Variants in SIL1 observed in about 807,000 individuals in gnomAD.
SIL1 encodes nucleotide exchange factor SIL1.
SIL1 carries 40 observed loss-of-function variants against 49.1 expected under a neutral mutation model. The observed-to-expected ratio is 0.81, with a 90% CI of 0.63 to 1.06. SIL1 has a LOEUF of 1.06. Among genes scored for constraint, SIL1 ranks in the 50% least tolerant of loss-of-function variants. The probability of loss-of-function intolerance (pLI) is 0.00; values close to 1 mark genes in which losing one functional copy is unlikely to be tolerated. For missense variants in SIL1, 500 were observed against 572.6 expected, an observed-to-expected ratio of 0.87 and a Z score of 1.29; for synonymous variants, 253 against 250.8, an observed-to-expected ratio of 1.01 and a Z score of -0.08.
chr5:139,122,116 G>A (rs770288951), intron 2 of SIL1, among the ~76,000 whole-genome samples: 3 of 152,054 alleles, frequency 2.0e-5, no homozygotes, highest in Non-Finnish European at 2.9e-5. Flanking sequence ...CCCTGTCATC[G>A]CTTTTTCTCT....
At chr5:139,020,507 C>A (rs1365519601) in intron 7 of SIL1, among the ~76,000 whole-genome samples, 1 of 152,180 alleles carries the variant, frequency 6.6e-6, no homozygotes, top group Non-Finnish European at 1.5e-5. Flanking sequence ...GTCCTAAGAG[C>A]AGATTTTCAA....
At chr5:139,065,928 C>A (rs999400095) in intron 3 of SIL1, among the ~76,000 whole-genome samples, 1 of 152,236 alleles carries the variant, frequency 6.6e-6, no homozygotes, top group Non-Finnish European at 1.5e-5. Context: ...CGTCTCCCAA[C>A]AAGTCATCTC....
At chr5:139,069,309 G>C (rs948151353) in intron 3 of SIL1, among the ~76,000 whole-genome samples, 10 of 151,862 alleles carry the variant, frequency 6.6e-5, no homozygotes, top group Admixed American at 6.6e-4. Flanking sequence ...TAAATAAAAA[G>C]AAATGAGGTG....
At chr5:139,148,338 A>G (rs997010330) in intron 1 of SIL1, among the ~76,000 whole-genome samples, 62 of 152,160 alleles carry the variant, frequency 4.1e-4, no homozygotes, top group Non-Finnish European at 1.8e-4. Flanking sequence ...AGCTCAGCCA[A>G]CAGCAGTGTC....
intron 1 of SIL1, among the ~76,000 whole-genome samples, chr5:139,138,498 G>A (rs1026495354): frequency 1.3e-5 from 2 of 152,140 alleles, no homozygotes; most frequent in Non-Finnish European, 2.9e-5. Context: ...AACAACCAAG[G>A]TTACAAGAAG....
chr5:139,048,739 T>C (rs974360235), intron 4 of SIL1, among the ~76,000 whole-genome samples: 3 of 152,256 alleles, frequency 2.0e-5, no homozygotes, highest in African/African-American at 7.2e-5. Context: ...TTGGATTACA[T>C]GTGAGAAAAG....
intron 1 of SIL1, among the ~76,000 whole-genome samples, chr5:139,151,880 T>C (rs564557784): frequency 6.6e-6 from 1 of 152,374 alleles, no homozygotes; most frequent in African/African-American, 2.4e-5. Context: ...AGAATTTCTA[T>C]ATTTTTCAAA....
At chr5:139,142,058 G>A (rs918231912) in intron 1 of SIL1, among the ~76,000 whole-genome samples, 18 of 152,194 alleles carry the variant, frequency 1.2e-4, no homozygotes, top group Admixed American at 3.3e-4. Context: ...TTTCCAGGCT[G>A]CATAATCAGA....
In SIL1 at chr5:139,099,916, T is replaced by C. The variant is rs148008452; in HGVS notation, c.244+21119A>G. On this transcript the variant is annotated intron_variant, in intron 3 of 9. Transcript: ENST00000394817. ...ATAATAATCTAATTGTACATTTAAA[T>C]AACTAAAAGAGTATAACTGGACTGT... 4.0e-3 allele frequency among the ~76,000 whole-genome samples: 609 copies of C among 152,282 alleles called. 1 individual carries two copies. Among genetic ancestry groups the C allele is most frequent in the Non-Finnish European group, 5.5e-3 (374 of 68,008 alleles).
chr5:139,128,839 G>A (rs1750805978), intron 1 of SIL1, among the ~76,000 whole-genome samples: 2 of 152,100 alleles, frequency 1.3e-5, no homozygotes, highest in South Asian at 4.1e-4. Flanking sequence ...ACCCAGAATA[G>A]CCAAAACAAT....
At chr5:138,951,391 A>G (rs1362420091) in intron 8 of SIL1, 56 bp from the exon 9 acceptor site, 2 of 1,535,490 alleles carry the variant, frequency 1.3e-6, no homozygotes, top group Non-Finnish European at 1.8e-6. Flanking sequence ...ACCTGCCCTG[A>G]GGCCCAGGGA....
intron 7 of SIL1, among the ~76,000 whole-genome samples, chr5:139,008,230 T>C (rs1241253627): frequency 2.0e-5 from 3 of 151,902 alleles, no homozygotes; most frequent in African/African-American, 4.8e-5. Context: ...TTCTTCTAGA[T>C]TTTCTAATTT....
intron 4 of SIL1, among the ~76,000 whole-genome samples, chr5:139,044,078 T>G (rs1440573117): frequency 6.6e-6 from 1 of 152,208 alleles, no homozygotes; most frequent in East Asian, 1.9e-4. Context: ...ACTCGTCTTC[T>G]CTAAACCTCA....
intron 7 of SIL1, among the ~76,000 whole-genome samples, chr5:138,968,451 C>T (rs774846025): frequency 3.9e-5 from 6 of 152,052 alleles, no homozygotes; most frequent in Non-Finnish European, 7.4e-5. Context: ...TGCTGTGTTC[C>T]CCACCGCCTC....
intron 1 of SIL1, among the ~76,000 whole-genome samples, chr5:139,147,101 T>C (rs1581133319): frequency 6.6e-6 from 1 of 152,200 alleles, no homozygotes; most frequent in Admixed American, 6.5e-5. Flanking sequence ...GACGAACAGA[T>C]AAGCAAATAA....
intron 1 of SIL1, chr5:139,128,166 GGA>G: frequency 2.6e-6 from 1 of 382,378 alleles, no homozygotes; most frequent in Non-Finnish European, 5.1e-6. Context: ...TTGACTATAA[GGA>G]GAGAGGGAAA....
chr5:139,144,488 C>G (rs1169440806), intron 1 of SIL1, among the ~76,000 whole-genome samples: 1 of 152,064 alleles, frequency 6.6e-6, no homozygotes, highest in Non-Finnish European at 1.5e-5. Flanking sequence ...AATTGTGAGA[C>G]CAGAATTAAA....
At chr5:139,037,908 C>A (rs911364848) in intron 5 of SIL1, among the ~76,000 whole-genome samples, 1 of 152,214 alleles carries the variant, frequency 6.6e-6, no homozygotes, top group Non-Finnish European at 1.5e-5. Flanking sequence ...ACATTTATTT[C>A]TCACAATTCT....
intron 1 of SIL1, among the ~76,000 whole-genome samples, chr5:139,135,554 G>A (rs1348846692): frequency 1.3e-5 from 2 of 152,162 alleles, no homozygotes; most frequent in Non-Finnish European, 2.9e-5. Context: ...TAGGCACCTG[G>A]AAGGAAGACA....
Sources: gnomAD v4.1 joint callset for allele counts (sites outside exome capture counted in the v4.1 genomes callset) on GRCh38, gnomAD v4.1.1 for gene constraint, MANE v1.5 for transcripts, NCBI Gene and HGNC (gene_info 2026-07-23, HGNC 2026-07-21) for gene names.